ZNF791: variants seen among roughly 807,000 people sequenced by gnomAD.
The protein encoded by ZNF791 is zinc finger protein 791.
Under a neutral mutation model 11.5 loss-of-function variants are expected in ZNF791, and 4 were observed. The observed-to-expected ratio is 0.35, with a 90% CI of 0.17 to 0.80. The LOEUF (loss-of-function observed/expected upper bound fraction) is 0.80, where lower values mean the gene tolerates loss of function less well. Ranked by LOEUF, ZNF791 falls within the 30% of genes least tolerant of loss-of-function variation. The pLI, the probability that ZNF791 is intolerant of heterozygous loss-of-function variation, is 0.53. For missense variants in ZNF791, 559 were observed against 699.4 expected, an observed-to-expected ratio of 0.80 and a Z score of 2.26; for synonymous variants, 212 against 228.1, an observed-to-expected ratio of 0.93 and a Z score of 0.64.
intron 3 of ZNF791, among the ~76,000 whole-genome samples, chr19:12,626,797 G>A (rs1449551924): frequency 6.6e-6 from 1 of 151,074 alleles, no homozygotes; most frequent in Admixed American, 6.6e-5. Context: ...AGTAGAGACG[G>A]GGTTTCACCC....
chr19:12,615,584 G>T (rs1451619471), intron 1 of ZNF791, among the ~76,000 whole-genome samples: 1 of 152,046 alleles, frequency 6.6e-6, no homozygotes, highest in African/African-American at 2.4e-5. Context: ...TTTGAGACCA[G>T]CCTGGCCAAC....
At chr19:12,627,354 C>T (rs961117526) in intron 3 of ZNF791, among the ~76,000 whole-genome samples, 3 of 152,202 alleles carry the variant, frequency 2.0e-5, no homozygotes, top group Admixed American at 6.5e-5. Flanking sequence ...CTGCCGGGTG[C>T]GGTGGCTCAC....
rs1331050963 is a variant in ZNF791 at position 12,630,005 on chromosome 19, A to G, written c.*745A>G. On this transcript the variant is annotated 3_prime_UTR_variant, in exon 4 of 4. Transcript: ENST00000343325. The stretch of plus-strand genomic sequence containing the variant: ...GTGAGACCCTGTCTCTACAAAAAAT[A>G]AAAACATTTTCTAAGTGTGGTAGCA... 1.3e-5 allele frequency: 2 copies of G among 151,966 alleles called. No homozygotes were observed. The highest frequency in any genetic ancestry group is 2.9e-5 in the Non-Finnish European group (2 of 68,032). 9.4% of individuals were successfully genotyped at this position (151,966 alleles called of 1,614,324 possible).
chr19:12,616,828 T>A (rs1001276630), intron 1 of ZNF791, among the ~76,000 whole-genome samples: 1 of 152,232 alleles, frequency 6.6e-6, no homozygotes, highest in African/African-American at 2.4e-5. Context: ...TTTCACAGAG[T>A]AGGAGTTTTT....
At chr19:12,618,971 C>T (rs2023290478) in intron 1 of ZNF791, among the ~76,000 whole-genome samples, 1 of 151,132 alleles carries the variant, frequency 6.6e-6, no homozygotes, top group Non-Finnish European at 1.5e-5. Flanking sequence ...CTTCAGCCTC[C>T]CGAGTAGCTG....
At chr19:12,619,639 C>T (rs1218398057) in intron 1 of ZNF791, among the ~76,000 whole-genome samples, 5 of 151,476 alleles carry the variant, frequency 3.3e-5, no homozygotes, top group East Asian at 2.0e-4. Context: ...TTAGTAGAGA[C>T]GGGGTTTCAC....
Position 12,628,008 on chromosome 19 carries a change from A to G in ZNF791, c.479A>G (p.Tyr160Cys). The G allele has an allele frequency of 1.4e-5, 22 of 1,613,668 alleles. No individual in the cohort carries two copies. Among genetic ancestry groups the G allele is most frequent in the Non-Finnish European group, 1.9e-5 (22 of 1,179,824 alleles). Residue 160 changes from tyrosine (Y) to cysteine (C), a missense_variant, in exon 4 of 4, where the codon TAT becomes TGT. Coordinates refer to ENST00000343325, the MANE Select transcript of ZNF791 (RefSeq NM_153358.3). ...HERSHTGEKP[Y>C]KCKQCGKTFI... ...AGGAGTCACACTGGAGAAAAACCCT[A>G]TAAATGTAAACAATGTGGAAAAACC...
At chr19:12,626,036 GAGACGGAGTCTCGCTCTGTCACC>G (rs1425612457) in intron 3 of ZNF791, among the ~76,000 whole-genome samples, 1 of 151,680 alleles carries the variant, frequency 6.6e-6, no homozygotes, top group Non-Finnish European at 1.5e-5. Context: ...TGTTTTTTTT[GAGACGGAGTCTCGCTCTGTCACC>G]AGGCTAGAGT....
At chr19:12,625,413 G>GC (rs2023411037) in intron 3 of ZNF791, among the ~76,000 whole-genome samples, 1 of 151,824 alleles carries the variant, frequency 6.6e-6, no homozygotes, top group Non-Finnish European at 1.5e-5. Context: ...GAGCCACTGG[G>GC]CCCCAAATTT....
intron 1 of ZNF791, among the ~76,000 whole-genome samples, chr19:12,611,743 G>T (rs548216254): frequency 1.3e-5 from 2 of 152,204 alleles, no homozygotes; most frequent in South Asian, 4.1e-4. Flanking sequence ...CCTCATCCTG[G>T]TACCTTTCCA....
chr19:12,630,825 A>G lies in ZNF791; in HGVS notation c.*1565A>G, dbSNP rs1278882160. 6.6e-6 allele frequency: 1 copy of G among 152,246 alleles called. No homozygotes were observed. Among genetic ancestry groups the G allele is most frequent in the Non-Finnish European group, 1.5e-5 (1 of 68,046 alleles). The allele number at this position is 152,246 out of a possible 1,614,324, so 9.4% of individuals were successfully genotyped here. On this transcript the variant is annotated 3_prime_UTR_variant, in exon 4 of 4. Coordinates refer to ENST00000343325, the MANE Select transcript of ZNF791 (RefSeq NM_153358.3). ...AAAAGCTTATAGAATATGGACATAA[A>G]ATATTTTTGTACAGCTGTACAATGT...
rs1182433863 is a variant in ZNF791, at chr19:12,630,820, C to T, written c.*1560C>T. 6.6e-6 allele frequency: 1 copy of T among 152,016 alleles called. No homozygotes were observed. Among genetic ancestry groups the T allele is most frequent in the Non-Finnish European group, 1.5e-5 (1 of 68,004 alleles). The allele number at this position is 152,016 out of a possible 1,614,324, so 9.4% of individuals were successfully genotyped here. ...ATAGAAAAAGCTTATAGAATATGGA[C>T]ATAAAATATTTTTGTACAGCTGTAC... On this transcript the variant is annotated 3_prime_UTR_variant, in exon 4 of 4. Coordinates refer to ENST00000343325, the MANE Select transcript of ZNF791 (RefSeq NM_153358.3).
Position 12,623,874 on chromosome 19 carries a change from G to GGGC in ZNF791, c.130+50_130+51insCGG, listed in dbSNP as rs745893802. The stretch of plus-strand genomic sequence containing the variant: ...TTTTTTCTTTTTTTTTTTTTTTGGG[G>GGGC]GGGGACAGAGTTTCACTATTGTCCA... On this transcript the variant is annotated intron_variant, in intron 2 of 3. Coordinates refer to ENST00000343325, the MANE Select transcript of ZNF791 (RefSeq NM_153358.3). 1.5e-5 allele frequency: 14 copies of GGGC among 948,384 alleles called. 1 individual carries two copies. Among genetic ancestry groups the GGGC allele is most frequent in the Non-Finnish European group, 1.7e-5 (11 of 664,928 alleles). 58.7% of individuals were successfully genotyped at this position (948,384 alleles called of 1,614,324 possible).
At chr19:12,624,194 C>T (rs2023394944) in intron 2 of ZNF791, among the ~76,000 whole-genome samples, 1 of 141,194 alleles carries the variant, frequency 7.1e-6, no homozygotes, top group African/African-American at 2.7e-5. Flanking sequence ...GTCCTGTTCC[C>T]CAGGGTGGAG....
intron 1 of ZNF791, among the ~76,000 whole-genome samples, chr19:12,617,266 C>T (rs906264196): frequency 1.3e-4 from 19 of 151,890 alleles, no homozygotes; most frequent in Non-Finnish European, 2.5e-4. Context: ...GCTGGGATTA[C>T]AGGCACGTGC....
intron 3 of ZNF791, among the ~76,000 whole-genome samples, chr19:12,626,266 C>T (rs759018892): frequency 2.1e-4 from 32 of 152,004 alleles, no homozygotes; most frequent in Non-Finnish European, 4.4e-5. Flanking sequence ...CTGCCCACCT[C>T]GGCCTCCCAA....
At chr19:12,621,489 G>GAT (rs3057758) in intron 1 of ZNF791, among the ~76,000 whole-genome samples, 75,633 of 149,742 alleles carry the variant, frequency 0.51, 21,776 homozygotes, top group Non-Finnish European at 0.67. Flanking sequence ...AACACATAGG[G>GAT]ATATATATAT....
intron 3 of ZNF791, among the ~76,000 whole-genome samples, chr19:12,626,303 C>T (rs2023427695): frequency 1.3e-5 from 2 of 151,766 alleles, no homozygotes; most frequent in Admixed American, 1.3e-4. Flanking sequence ...GCGTGAGCCA[C>T]CATGCCCAGC....
Position 12,619,367 on chromosome 19 carries a change from A to G in ZNF791, c.4-4333A>G, listed in dbSNP as rs183796561. Among the ~76,000 whole-genome samples the G allele has an allele frequency of 9.2e-5, 14 of 152,248 alleles. No individual in the cohort carries two copies. In the East Asian group the frequency reaches 2.5e-3, roughly 27 times the overall value. On this transcript the variant is annotated intron_variant, in intron 1 of 3. Coordinates refer to ENST00000343325, the MANE Select transcript of ZNF791 (RefSeq NM_153358.3). ...GGTCAAGTTTAAATTTACAAACTTAAAAAAAGTGGTGGAGTGTATCAGTTG... is the reference window on the plus strand; with the variant it reads ...GGTCAAGTTTAAATTTACAAACTTAGAAAAAGTGGTGGAGTGTATCAGTTG...
Sources: allele counts gnomAD v4.1 joint callset (sites outside exome capture counted in the v4.1 genomes callset), GRCh38; gene constraint gnomAD v4.1.1; transcripts MANE v1.5; gene names NCBI Gene and HGNC (gene_info 2026-07-23, HGNC 2026-07-21).